Variants in MAGEC3 observed in about 807,000 individuals in gnomAD.
The protein encoded by MAGEC3 is MAGE family member C3, also known as melanoma-associated antigen C3.
In MAGEC3, 34 loss-of-function variants were observed where a neutral mutation model predicts 35.3. The ratio of observed to expected loss-of-function variants is 0.96; its 90% CI spans 0.73 to 1.28. The LOEUF (loss-of-function observed/expected upper bound fraction) is 1.28, where lower values mean the gene tolerates loss of function less well. MAGEC3 is among the 50% of genes most tolerant of loss of function. The pLI, the probability that MAGEC3 is intolerant of heterozygous loss-of-function variation, is 0.00. For synonymous variants in MAGEC3, 202 were observed against 185.6 expected, an observed-to-expected ratio of 1.09 and a Z score of -0.72; for missense variants, 561 against 483.6, an observed-to-expected ratio of 1.16 and a Z score of -1.50.
At chrX:141,861,407 C>T (rs1023689514) in intron 1 of MAGEC3, among the ~76,000 whole-genome samples, 19 of 110,568 alleles carry the variant, frequency 1.7e-4, no homozygotes, top group East Asian at 5.7e-4. Flanking sequence ...ATATCAATGC[C>T]GTTTTTCACA....
At chrX:141,861,340 A>C (rs1005570592) in intron 1 of MAGEC3, among the ~76,000 whole-genome samples, 7 of 111,572 alleles carry the variant, frequency 6.3e-5, no homozygotes, top group Non-Finnish European at 1.3e-4. Flanking sequence ...AATTAATATA[A>C]TTAAAATAAC....
intron 4 of MAGEC3, among the ~76,000 whole-genome samples, chrX:141,885,375 A>C (rs763415495): frequency 1.8e-5 from 2 of 110,252 alleles, no homozygotes; most frequent in Admixed American, 1.9e-4. Context: ...GGAGTTAAAA[A>C]AGGTTCTAAG....
intron 1 of MAGEC3, among the ~76,000 whole-genome samples, chrX:141,843,925 A>C (rs1285108444): frequency 9.0e-6 from 1 of 110,760 alleles, no homozygotes; most frequent in Non-Finnish European, 1.9e-5. Context: ...CGCATCCCTT[A>C]TCCAGGGATT....
intron 4 of MAGEC3, among the ~76,000 whole-genome samples, chrX:141,889,992 A>G (rs1039896215): frequency 1.8e-5 from 2 of 111,525 alleles, no homozygotes; most frequent in Non-Finnish European, 3.8e-5. Context: ...TTTATTTCTT[A>G]TTTTCCTTTA....
intron 1 of MAGEC3, among the ~76,000 whole-genome samples, chrX:141,855,532 A>G (rs1255632983): frequency 9.0e-6 from 1 of 111,540 alleles, no homozygotes; most frequent in African/African-American, 3.2e-5. Flanking sequence ...ATGTGTAGAA[A>G]GAATAAATGA....
intron 4 of MAGEC3, among the ~76,000 whole-genome samples, chrX:141,890,114 T>A (rs1208290428): frequency 1.8e-5 from 2 of 111,921 alleles, no homozygotes; most frequent in Non-Finnish European, 3.8e-5. Flanking sequence ...AGGAGAGTTG[T>A]ATTAACTCCC....
At chrX:141,839,644 T>C (rs1452155662) in intron 1 of MAGEC3, 1 of 747,527 alleles carries the variant, frequency 1.3e-6, no homozygotes, top group Admixed American at 8.8e-5. Context: ...CAGTAGATTT[T>C]ATTTTATAAA....
chrX:141,894,070 G>A (rs1243100588), intron 4 of MAGEC3, among the ~76,000 whole-genome samples: 1 of 111,658 alleles, frequency 9.0e-6, no homozygotes, highest in Non-Finnish European at 1.9e-5. Context: ...CATGTTTTGT[G>A]GACCTACTCA....
intron 1 of MAGEC3, among the ~76,000 whole-genome samples, chrX:141,854,490 G>A (rs1327254810): frequency 9.0e-6 from 1 of 111,036 alleles, no homozygotes; most frequent in African/African-American, 3.3e-5. Flanking sequence ...TAATTGAATT[G>A]TGGGGGTGGT....
chrX:141,862,318 CTT>C (rs2017820130), intron 1 of MAGEC3, among the ~76,000 whole-genome samples: 1 of 111,653 alleles, frequency 9.0e-6, no homozygotes, highest in African/African-American at 3.3e-5. Flanking sequence ...AAAGGAAACT[CTT>C]ATACACTGTT....
intron 1 of MAGEC3, among the ~76,000 whole-genome samples, chrX:141,863,028 T>C (rs758308425): frequency 5.4e-5 from 6 of 111,874 alleles, no homozygotes; most frequent in Non-Finnish European, 9.4e-5. Flanking sequence ...ACACATTCTA[T>C]ACATGTAACC....
At chrX:141,867,024 G>T (rs73638713) in intron 2 of MAGEC3, among the ~76,000 whole-genome samples, 1 of 107,012 alleles carries the variant, frequency 9.3e-6, no homozygotes, top group African/African-American at 3.5e-5. Flanking sequence ...ATAAACAAAA[G>T]AAAGGTTTTC....
At position 141,897,729 on chromosome X, in the gene MAGEC3, A is replaced by G. The variant is rs139021794; in HGVS notation, c.1829A>G (p.Asp610Gly). Reference sequence around the variant, plus strand: ...TCCTGGTACATGGATGCTTTGAAAGATATGGAAGACAGAGCCCAGGCCATA... The same window carrying G: ...TCCTGGTACATGGATGCTTTGAAAGGTATGGAAGACAGAGCCCAGGCCATA... ...FPSWYMDALK[D>G]MEDRAQAIID... Residue 610 changes from aspartate to glycine, a missense_variant, in exon 8 of 8, where the codon GAT becomes GGT. Transcript: ENST00000298296. 211 of 1,210,149 alleles carry G rather than the reference A, an allele frequency of 1.7e-4. 1 individual carries two copies. Among genetic ancestry groups the G allele is most frequent in the Non-Finnish European group, 2.3e-4 (202 of 895,338 alleles).
chrX:141,856,064 A>C, intron 1 of MAGEC3, among the ~76,000 whole-genome samples: 1 of 111,803 alleles, frequency 8.9e-6, no homozygotes. Flanking sequence ...CATCAGACCT[A>C]ACCCTTGATC....
rs2017766447 is a variant in MAGEC3 at position 141,854,083 on chromosome X, T to G, written c.124-11388T>G. 2.7e-5 allele frequency among the ~76,000 whole-genome samples: 3 copies of G among 111,322 alleles called. No individual in the cohort carries two copies. The Admixed American group carries it at 2.9e-4, about 11-fold the overall frequency. ...GTTGGCAGATTATTTTGAGCCAATT[T>G]TGTTCTAAGCCCTGCGATAGATTAT... On this transcript the variant is annotated intron_variant, in intron 1 of 7. Coordinates refer to ENST00000298296, the MANE Select transcript of MAGEC3 (RefSeq NM_138702.1).
chrX:141,891,690 TATATATTTATATATGCATATATAA>T (rs1381324394), intron 4 of MAGEC3, among the ~76,000 whole-genome samples: 1 of 103,790 alleles, frequency 9.6e-6, no homozygotes, highest in Non-Finnish European at 2.0e-5. Context: ...TATATAAATA[TATATATTTATATATGCATATATAA>T]ATATATATAT....
intron 1 of MAGEC3, among the ~76,000 whole-genome samples, chrX:141,864,331 A>T (rs2017834420): frequency 9.1e-6 from 1 of 109,452 alleles, no homozygotes; most frequent in East Asian, 2.9e-4. Flanking sequence ...AAAAAAAAAA[A>T]AAAATTAAAA....
intron 2 of MAGEC3, among the ~76,000 whole-genome samples, chrX:141,869,942 C>T (rs904865706): frequency 9.0e-6 from 1 of 111,576 alleles, no homozygotes; most frequent in South Asian, 3.7e-4. Context: ...TCTACCTAAG[C>T]ATGTTAAATA....
intron 2 of MAGEC3, among the ~76,000 whole-genome samples, chrX:141,876,099 G>T (rs1176884922): frequency 8.9e-6 from 1 of 112,272 alleles, no homozygotes; most frequent in Admixed American, 9.4e-5. Context: ...CTGAAAGGAA[G>T]TATGTGAATC....
Sources: gnomAD v4.1 joint callset for allele counts (sites outside exome capture counted in the v4.1 genomes callset) on GRCh38, gnomAD v4.1.1 for gene constraint, MANE v1.5 for transcripts, NCBI Gene and HGNC (gene_info 2026-07-23, HGNC 2026-07-21) for gene names.